The following BICC1 variants were observed in gnomAD, a reference collection of about 807,000 sequenced individuals.
BICC1 encodes protein bicaudal C homolog 1.
Under a neutral mutation model 111.0 loss-of-function variants are expected in BICC1, and 43 were observed. The ratio of observed to expected loss-of-function variants is 0.39; its 90% CI spans 0.30 to 0.50. BICC1 has a LOEUF of 0.50. Among genes scored for constraint, BICC1 ranks in the 20% least tolerant of loss-of-function variants. The pLI is 0.88. For missense variants in BICC1, 1,091 were observed against 1,203.2 expected (o/e 0.91, Z 1.38); for synonymous variants, 467 against 434.4 (o/e 1.07, Z -0.93).
chr10:58,767,825 G>A (rs1185010635), intron 3 of BICC1, among the ~76,000 whole-genome samples: 3 of 151,872 alleles, frequency 2.0e-5, no homozygotes, highest in African/African-American at 7.3e-5. Context: ...TGAATGAAAT[G>A]AAAAATGCAT....
intron 7 of BICC1, 54 bp from the exon 8 acceptor site, chr10:58,789,628 C>T (rs144347428): frequency 2.3e-4 from 363 of 1,587,024 alleles, no homozygotes; most frequent in African/African-American, 8.5e-4. Context: ...AATCTTTCCC[C>T]GTATATGAAC....
At chr10:58,754,611 G>A (rs540802313) in intron 3 of BICC1, among the ~76,000 whole-genome samples, 1 of 152,180 alleles carries the variant, frequency 6.6e-6, no homozygotes, top group African/African-American at 2.4e-5. Context: ...TGCCTCACAC[G>A]GCAGGGAGCA....
chr10:58,542,602 G>A (rs1288223456), intron 1 of BICC1, among the ~76,000 whole-genome samples: 1 of 151,988 alleles, frequency 6.6e-6, no homozygotes, highest in African/African-American at 2.4e-5. Context: ...GAAAATAATT[G>A]CAAACCATAT....
intron 1 of BICC1, among the ~76,000 whole-genome samples, chr10:58,591,207 T>G (rs1046004127): frequency 1.3e-5 from 2 of 152,188 alleles, no homozygotes; most frequent in Non-Finnish European, 2.9e-5. Flanking sequence ...GAGGATTCAG[T>G]CCAGCTTGAT....
chr10:58,828,668 C>T, intron 20 of BICC1, 93 bp from the exon 21 acceptor site: 1 of 1,367,008 alleles, frequency 7.3e-7, no homozygotes, highest in Non-Finnish European at 9.8e-7. Flanking sequence ...AAAAAACCTA[C>T]CACGTCACCA....
intron 2 of BICC1, among the ~76,000 whole-genome samples, chr10:58,663,422 A>ACAACC (rs892710707): frequency 2.0e-5 from 3 of 152,060 alleles, no homozygotes; most frequent in Non-Finnish European, 4.4e-5. Context: ...CTAGCACTGG[A>ACAACC]CAACCTCTGG....
At chr10:58,758,139 C>T (rs1007757185) in intron 3 of BICC1, among the ~76,000 whole-genome samples, 1 of 152,096 alleles carries the variant, frequency 6.6e-6, no homozygotes, top group African/African-American at 2.4e-5. Flanking sequence ...AAACCTAGGT[C>T]AGTAGCCGTC....
intron 20 of BICC1, chr10:58,823,201 A>G: frequency 1.0e-6 from 1 of 984,492 alleles, no homozygotes. Flanking sequence ...AGGTAGATCT[A>G]ACATTTCCCG....
At chr10:58,646,431 A>G (rs892238243) in intron 2 of BICC1, among the ~76,000 whole-genome samples, 2 of 152,210 alleles carry the variant, frequency 1.3e-5, no homozygotes, top group African/African-American at 2.4e-5. Flanking sequence ...CAGTTTTACC[A>G]TATTTTCTAG....
At chr10:58,715,869 ATCT>A in intron 3 of BICC1, 5 of 1,203,142 alleles carry the variant, frequency 4.2e-6, no homozygotes, top group African/African-American at 1.5e-5. Flanking sequence ...ATAGGTATTC[ATCT>A]TCTTCATCAA....
At chr10:58,663,063 TTTC>T (rs1838892675) in intron 2 of BICC1, among the ~76,000 whole-genome samples, 2 of 109,034 alleles carry the variant, frequency 1.8e-5, no homozygotes, top group African/African-American at 3.5e-5. Context: ...TCTTTTTCTT[TTTC>T]TTTTTTTTTT....
chr10:58,646,685 G>A (rs1301872919), intron 2 of BICC1, among the ~76,000 whole-genome samples: 1 of 152,040 alleles, frequency 6.6e-6, no homozygotes, highest in Non-Finnish European at 1.5e-5. Context: ...CGAAATGACG[G>A]GAGAAACAAT....
intron 2 of BICC1, among the ~76,000 whole-genome samples, chr10:58,673,030 A>G (rs889503571): frequency 6.6e-5 from 10 of 152,288 alleles, no homozygotes; most frequent in African/African-American, 1.7e-4. Context: ...GATGAATGCA[A>G]TCTTAGGACA....
intron 1 of BICC1, among the ~76,000 whole-genome samples, chr10:58,614,355 C>G (rs1845533540): frequency 6.6e-6 from 1 of 152,192 alleles, no homozygotes; most frequent in Non-Finnish European, 1.5e-5. Context: ...ACCAACAACT[C>G]ATCAGCATCT....
intron 2 of BICC1, among the ~76,000 whole-genome samples, chr10:58,635,689 T>G (rs1454904000): frequency 6.6e-6 from 1 of 152,250 alleles, no homozygotes; most frequent in African/African-American, 2.4e-5. Context: ...TATTATAGTC[T>G]GATCCCTTCC....
chr10:58,705,802 T>C (rs567041047), intron 3 of BICC1, among the ~76,000 whole-genome samples: 13 of 152,318 alleles, frequency 8.5e-5, no homozygotes, highest in Non-Finnish European at 1.5e-4. Context: ...GTTACACAGA[T>C]AGTGAACATG....
At chr10:58,546,921 T>C (rs895662225) in intron 1 of BICC1, among the ~76,000 whole-genome samples, 1 of 152,202 alleles carries the variant, frequency 6.6e-6, no homozygotes, top group Admixed American at 6.5e-5. Flanking sequence ...CTTTCAGATG[T>C]GCTTAAATTG....
chr10:58,519,719 A>G (rs1013656610), intron 1 of BICC1, among the ~76,000 whole-genome samples: 1 of 152,082 alleles, frequency 6.6e-6, no homozygotes, highest in African/African-American at 2.4e-5. Context: ...CTAAATACCA[A>G]AGAGGAAACC....
At chr10:58,518,951 A>G (rs967681878) in intron 1 of BICC1, among the ~76,000 whole-genome samples, 4 of 152,202 alleles carry the variant, frequency 2.6e-5, no homozygotes, top group Non-Finnish European at 5.9e-5. Flanking sequence ...ATACATAGCT[A>G]GAGAGGTTTG....
Sources: allele counts gnomAD v4.1 joint callset (sites outside exome capture counted in the v4.1 genomes callset), GRCh38; gene constraint gnomAD v4.1.1; transcripts MANE v1.5; gene names NCBI Gene and HGNC (gene_info 2026-07-23, HGNC 2026-07-21).